YIPF1: variants seen among roughly 807,000 people sequenced by gnomAD.
The protein encoded by YIPF1 is protein YIPF1.
YIPF1 carries 22 observed loss-of-function variants against 37.0 expected under a neutral mutation model. The observed-to-expected ratio is 0.59, with a 90% CI of 0.42 to 0.85. YIPF1 has a LOEUF of 0.85. Ranked by LOEUF, YIPF1 falls within the 40% of genes least tolerant of loss-of-function variation. The pLI, the probability that YIPF1 is intolerant of heterozygous loss-of-function variation, is 0.00. For missense variants in YIPF1, 355 were observed against 373.1 expected (o/e 0.95, Z 0.40); for synonymous variants, 128 against 131.9 (o/e 0.97, Z 0.21).
chr1:53,881,049 G>C (rs1650483745), intron 4 of YIPF1, among the ~76,000 whole-genome samples: 1 of 152,064 alleles, frequency 6.6e-6, no homozygotes, highest in Non-Finnish European at 1.5e-5. Context: ...TGGATCATGA[G>C]GTAAGGAGTT....
In YIPF1 at chr1:53,857,970, G is replaced by A. The variant is rs1047426528; in HGVS notation, c.*8+2086C>T. ...CACTCCAGCCTGGGCGACAGAGTGAGACTCCACCTCAAAAAAAAAAAAAAA... is the reference window on the plus strand; with the variant it reads ...CACTCCAGCCTGGGCGACAGAGTGAAACTCCACCTCAAAAAAAAAAAAAAA... On this transcript the variant is annotated intron_variant, in intron 10 of 10. Transcript: ENST00000072644. Among the ~76,000 whole-genome samples, 144 of 126,132 alleles carry A rather than the reference G, an allele frequency of 1.1e-3. 2 individuals are homozygous for A. The highest frequency in any genetic ancestry group is 1.1e-3 in the South Asian group (4 of 3,642). The allele number at this position is 126,132 out of a possible 152,430, so 82.7% of individuals were successfully genotyped here.
At chr1:53,882,125 C>G (rs1240321585) in intron 4 of YIPF1, among the ~76,000 whole-genome samples, 1 of 152,144 alleles carries the variant, frequency 6.6e-6, no homozygotes. Flanking sequence ...AAACCAAACA[C>G]CACATCTTCT....
intron 7 of YIPF1, among the ~76,000 whole-genome samples, chr1:53,871,082 A>G (rs1650178109): frequency 1.3e-5 from 2 of 152,042 alleles, no homozygotes; most frequent in Admixed American, 1.3e-4. Flanking sequence ...CAGCTTTCCC[A>G]AAGATTATGT....
chr1:53,884,604 T>TG (rs935198187), intron 3 of YIPF1, among the ~76,000 whole-genome samples: 3 of 152,196 alleles, frequency 2.0e-5, no homozygotes, highest in Non-Finnish European at 4.4e-5. Context: ...AAAAGCTTTT[T>TG]GGGGGGCAGC....
chr1:53,873,524 G>C (rs1650248636), intron 6 of YIPF1, among the ~76,000 whole-genome samples: 1 of 152,150 alleles, frequency 6.6e-6, no homozygotes, highest in African/African-American at 2.4e-5. Context: ...GCAACAGGAA[G>C]CCTGTGAATT....
intron 9 of YIPF1, among the ~76,000 whole-genome samples, chr1:53,862,264 G>A (rs1649903103): frequency 6.6e-6 from 1 of 152,166 alleles, no homozygotes; most frequent in African/African-American, 2.4e-5. Context: ...GTCTGAGCTA[G>A]GATTTCAATC....
intron 7 of YIPF1, among the ~76,000 whole-genome samples, chr1:53,868,732 T>C (rs945470728): frequency 1.3e-5 from 2 of 152,164 alleles, no homozygotes; most frequent in African/African-American, 2.4e-5. Flanking sequence ...TGTTTATTGA[T>C]AGGGCCAATG....
chr1:53,866,303 G>T lies in YIPF1; in HGVS notation c.728C>A (p.Ala243Glu). 6.2e-7 allele frequency: 1 copy of T among 1,614,160 alleles called. No individual in the cohort carries two copies. Among genetic ancestry groups the T allele is most frequent in the Non-Finnish European group, 8.5e-7 (1 of 1,180,034 alleles). ...IALGISGSLL[A>E]MTFWPAVRED... is the part of the protein sequence containing the mutation. ...ACGAACAGCTGGCCAAAATGTCATT[G>T]CCAAGAGAGATCCTGAGATGCCCAG... Residue 243 changes from alanine (A) to glutamate (E), a missense_variant, in exon 9 of 11, where the codon GCA becomes GAA. Ala to Glu is a moderately radical substitution (Grantham distance 107). Coordinates refer to ENST00000072644, the MANE Select transcript of YIPF1 (RefSeq NM_018982.5).
intron 10 of YIPF1, among the ~76,000 whole-genome samples, chr1:53,856,314 C>T (rs1649717178): frequency 6.6e-6 from 1 of 152,196 alleles, no homozygotes; most frequent in Non-Finnish European, 1.5e-5. Context: ...CTCTGAAGGC[C>T]TTTACAACCA....
intron 7 of YIPF1, among the ~76,000 whole-genome samples, chr1:53,867,165 T>C (rs1214502780): frequency 6.6e-6 from 1 of 152,210 alleles, no homozygotes; most frequent in African/African-American, 2.4e-5. Context: ...TGAGGATCAA[T>C]AGTCTCTCAT....
rs544263298 is a variant in YIPF1, at chr1:53,854,911, T to C, written c.*9-2641A>G. 8 of 152,050 alleles carry C rather than the reference T, an allele frequency of 5.3e-5. No homozygotes were observed. The South Asian group carries it at 1.7e-3, about 32-fold the overall frequency. The allele number at this position is 152,050 out of a possible 1,614,324, so 9.4% of individuals were successfully genotyped here. On this transcript the variant is annotated intron_variant, in intron 10 of 10. Transcript: ENST00000072644. ...CTCTGCCCTCAAGGAACTCTCAGTC[T>C]ATGAAGTTACAGTGAATAAGCAAAC...
chr1:53,870,835 G>A lies in YIPF1; in HGVS notation c.481+537C>T, dbSNP rs141860205. Among the ~76,000 whole-genome samples, 6 of 151,658 alleles carry A rather than the reference G, an allele frequency of 4.0e-5. No individual in the cohort carries two copies. The East Asian group carries it at 1.2e-3, about 30-fold the overall frequency. ...GAGATCAGCCTGGGCAACACAGGGA[G>A]ACCTATCTCTATAAAAAAATAGAAA... is the stretch of plus-strand genomic sequence containing the variant. On this transcript the variant is annotated intron_variant, in intron 7 of 10. Coordinates refer to ENST00000072644, the MANE Select transcript of YIPF1 (RefSeq NM_018982.5).
chr1:53,883,180 G>A lies in YIPF1; in HGVS notation c.128C>T (p.Ser43Phe). 6.2e-7 allele frequency: 1 copy of A among 1,602,174 alleles called. No homozygotes were observed. ...TTCTTCTCTTCCTGAGCCTCTTGGG[G>A]ATCCTGGCTGATGTTTTGGGGTTTC... ...PGETPKHQPGSPRGSGREEDD... is the reference protein window; with the variant it reads ...PGETPKHQPGFPRGSGREEDD... Residue 43 changes from serine to phenylalanine, a missense_variant, in exon 4 of 11, where the codon TCC (serine) becomes TTC (phenylalanine). Physicochemically the swap from Ser to Phe is radical, Grantham distance 155. Transcript: ENST00000072644.
At chr1:53,879,768 G>T (rs116171175) in intron 4 of YIPF1, among the ~76,000 whole-genome samples, 1 of 152,200 alleles carries the variant, frequency 6.6e-6, no homozygotes, top group Non-Finnish European at 1.5e-5. Context: ...GCTGTGGTCT[G>T]CAGCACTCAC....
rs1294474234 is a variant in YIPF1, at chr1:53,878,352, A to G, written c.327T>C (p.Phe109=). The change falls in exon 6 of 11, where the codon TTT becomes TTC. Residue 109 remains phenylalanine (F), a synonymous_variant. Transcript: ENST00000072644. ...GATTGCTGCGGATATATAACCTCACAAAGTTTTTCCCGGGTATTGGCAAAA... is the reference window on the plus strand; with the variant it reads ...GATTGCTGCGGATATATAACCTCACGAAGTTTTTCCCGGGTATTGGCAAAA... ...GSLLPIPGKN[F]VRLYIRSNPD... is the part of the protein sequence containing the mutation. 1.2e-6 allele frequency: 2 copies of G among 1,613,980 alleles called. No individual in the cohort carries two copies. The highest frequency in any genetic ancestry group is 1.3e-5 in the African/African-American group (1 of 74,926).
intron 7 of YIPF1, among the ~76,000 whole-genome samples, chr1:53,869,310 G>C (rs1410727581): frequency 4.0e-5 from 6 of 150,530 alleles, no homozygotes; most frequent in African/African-American, 1.5e-4. Flanking sequence ...TAATGGGATT[G>C]AATATATGTG....
At chr1:53,885,274 T>C (rs763851766) in intron 3 of YIPF1, among the ~76,000 whole-genome samples, 1 of 152,208 alleles carries the variant, frequency 6.6e-6, no homozygotes, top group Non-Finnish European at 1.5e-5. Flanking sequence ...ACAACTTTGC[T>C]GGAGGGAATT....
chr1:53,866,404 A>C, intron 8 of YIPF1, 22 bp from the exon 9 acceptor site: 1 of 1,609,684 alleles, frequency 6.2e-7, no homozygotes, highest in Non-Finnish European at 8.5e-7. Context: ...GAAAAGGAGG[A>C]GCGGGGAGTT....
In YIPF1 at chr1:53,870,160, C is replaced by CTCTTTTT. The variant is rs1557605849; in HGVS notation, c.481+1211_481+1212insAAAAAGA. On this transcript the variant is annotated intron_variant, in intron 7 of 10. Transcript: ENST00000072644. ...AGGCTTGAGCCACCGCACCGGGTCT[C>CTCTTTTT]TTTTTTTTTTTTTTTTTTTTTTTTT... Among the ~76,000 whole-genome samples, 10 of 91,214 alleles carry CTCTTTTT rather than the reference C, an allele frequency of 1.1e-4. 1 individual carries two copies. The highest frequency in any genetic ancestry group is 4.0e-4 in the African/African-American group (9 of 22,614). 59.8% of individuals were successfully genotyped at this position (91,214 alleles called of 152,430 possible).
Sources: gnomAD v4.1 joint callset for allele counts (sites outside exome capture counted in the v4.1 genomes callset) on GRCh38, gnomAD v4.1.1 for gene constraint, MANE v1.5 for transcripts, NCBI Gene and HGNC (gene_info 2026-07-23, HGNC 2026-07-21) for gene names.